Variants in MORC1 observed in about 807,000 individuals in gnomAD.
MORC1 encodes the protein MORC family CW-type zinc finger protein 1.
Under a neutral mutation model 134.9 loss-of-function variants are expected in MORC1, and 59 were observed. The observed-to-expected ratio is 0.44, with a 90% CI of 0.35 to 0.54. MORC1 has a LOEUF of 0.54. Ranked by LOEUF, MORC1 falls within the 20% of genes least tolerant of loss-of-function variation. The pLI, the probability that MORC1 is intolerant of heterozygous loss-of-function variation, is 0.00. For missense variants in MORC1, 947 were observed against 1,134.5 expected (o/e 0.83, Z 2.37); for synonymous variants, 395 against 391.7 (o/e 1.01, Z -0.10).
intron 21 of MORC1, among the ~76,000 whole-genome samples, 162 bp downstream of exon 21, chr3:109,000,395 A>C (rs1374586536): frequency 6.6e-6 from 1 of 152,218 alleles, no homozygotes; most frequent in Non-Finnish European, 1.5e-5. Context: ...TAGTTTATGT[A>C]GCCTTGAGCA....
intron 8 of MORC1, 27 bp from the exon 9 acceptor site, chr3:109,069,784 A>G (rs1950276678): frequency 6.3e-7 from 1 of 1,592,270 alleles, no homozygotes; most frequent in Admixed American, 1.7e-5. Context: ...AAAATGTCAC[A>G]ATACAGAGGA....
At chr3:108,991,484 T>C (rs1256155918) in intron 21 of MORC1, among the ~76,000 whole-genome samples, 1 of 152,158 alleles carries the variant, frequency 6.6e-6, no homozygotes, top group East Asian at 1.9e-4. Flanking sequence ...TTTACTCAGT[T>C]AAGGAAGCAT....
chr3:109,029,079 T>C (rs3804686), intron 16 of MORC1, among the ~76,000 whole-genome samples: 64,268 of 152,020 alleles, frequency 0.42, 14,302 homozygotes, highest in Middle Eastern at 0.55. Context: ...ATGAGACCCA[T>C]CACTTCTCTG....
At chr3:108,965,401 G>A (rs1304015053) in intron 26 of MORC1, among the ~76,000 whole-genome samples, 2 of 152,164 alleles carry the variant, frequency 1.3e-5, no homozygotes, top group African/African-American at 4.8e-5. Context: ...ATTGTCAAAT[G>A]ACACACACAT....
At chr3:109,016,148 T>G (rs989067242) in intron 17 of MORC1, among the ~76,000 whole-genome samples, 3 of 152,216 alleles carry the variant, frequency 2.0e-5, no homozygotes, top group African/African-American at 7.2e-5. Context: ...CCTCTTGTAG[T>G]GTTGTATCAC....
intron 2 of MORC1, among the ~76,000 whole-genome samples, chr3:109,111,795 C>T (rs1366474203): frequency 1.3e-5 from 2 of 152,154 alleles, no homozygotes; most frequent in African/African-American, 4.8e-5. Flanking sequence ...ACCCAAAACT[C>T]CCAGACAAAT....
At chr3:109,085,156 GTCTA>G (rs1313184619) in intron 8 of MORC1, among the ~76,000 whole-genome samples, 14 of 151,808 alleles carry the variant, frequency 9.2e-5, no homozygotes, top group African/African-American at 3.4e-4. Flanking sequence ...GTGTGTGTGT[GTCTA>G]TCTGTGTATG....
At chr3:108,985,008 T>C (rs1276092831) in intron 22 of MORC1, among the ~76,000 whole-genome samples, 1 of 152,098 alleles carries the variant, frequency 6.6e-6, no homozygotes, top group East Asian at 1.9e-4. Context: ...TCCAAGAGAG[T>C]GTAGCTTTTT....
intron 17 of MORC1, among the ~76,000 whole-genome samples, chr3:109,023,652 G>A (rs1949010219): frequency 6.6e-6 from 1 of 152,104 alleles, no homozygotes; most frequent in South Asian, 2.1e-4. Context: ...CACAATAGAA[G>A]GTAGAAGAGA....
chr3:109,099,686 G>C (rs1473775951), intron 5 of MORC1, among the ~76,000 whole-genome samples: 1 of 151,984 alleles, frequency 6.6e-6, no homozygotes, highest in Non-Finnish European at 1.5e-5. Flanking sequence ...GGCTGCAGGG[G>C]AAAGGGTCCA....
intron 5 of MORC1, among the ~76,000 whole-genome samples, chr3:109,099,774 A>ATACTAAAACATACTAAAT (rs1559952345): frequency 3.9e-5 from 6 of 152,214 alleles, no homozygotes; most frequent in African/African-American, 1.2e-4. Context: ...CTTTCAATGC[A>ATACTAAAACATACTAAAT]GCATACTAAA....
intron 6 of MORC1, among the ~76,000 whole-genome samples, chr3:109,098,577 T>C (rs538227134): frequency 1.3e-5 from 2 of 152,282 alleles, no homozygotes; most frequent in South Asian, 2.1e-4. Flanking sequence ...CGGCTGCAAG[T>C]TGTACTCTCT....
At chr3:109,009,018 T>G (rs1169091448) in intron 17 of MORC1, among the ~76,000 whole-genome samples, 7 of 152,148 alleles carry the variant, frequency 4.6e-5, no homozygotes, top group Admixed American at 4.6e-4. Context: ...TACATTCAGT[T>G]TGGTGTCTAA....
chr3:108,970,804 C>A (rs1005583117), intron 25 of MORC1, among the ~76,000 whole-genome samples: 4 of 152,216 alleles, frequency 2.6e-5, no homozygotes, highest in Admixed American at 2.6e-4. Flanking sequence ...GTTACTTAAG[C>A]ATAGCCAATA....
intron 14 of MORC1, among the ~76,000 whole-genome samples, chr3:109,041,058 T>A (rs1288612598): frequency 1.3e-5 from 2 of 151,842 alleles, no homozygotes; most frequent in African/African-American, 4.8e-5. Context: ...ACGCCTGTAA[T>A]CCCAGCACTT....
intron 20 of MORC1, among the ~76,000 whole-genome samples, chr3:109,003,391 G>GCACACACACACACACA (rs3054383): frequency 3.4e-5 from 5 of 146,650 alleles, no homozygotes; most frequent in Admixed American, 6.9e-5. Flanking sequence ...ATATGTGTAT[G>GCACACACACACACACA]CACACACACA....
intron 25 of MORC1, 150 bp downstream of exon 25, chr3:108,971,180 T>C: frequency 1.6e-6 from 1 of 640,552 alleles, no homozygotes; most frequent in Admixed American, 2.7e-5. Context: ...AATATAGCTT[T>C]AATTATGAAT....
Position 109,054,893 on chromosome 3 carries a change from A to T in MORC1, c.1176-11T>A, listed in dbSNP as rs1949920514. The T allele has an allele frequency of 6.3e-7, 1 of 1,584,910 alleles. No homozygotes were observed. Among genetic ancestry groups the T allele is most frequent in the African/African-American group, 1.4e-5 (1 of 72,936 alleles). ...ACGCCTGCGCCAAGTCTGAGAAAATATATGCATATTTAAATTTTGAAAATT... is the reference window on the plus strand; with the variant it reads ...ACGCCTGCGCCAAGTCTGAGAAAATTTATGCATATTTAAATTTTGAAAATT... On this transcript the variant is annotated splice_polypyrimidine_tract_variant and intron_variant, in intron 13 of 27. Transcript: ENST00000232603.
At chr3:109,063,122 CAAT>C (rs1407794969) in intron 10 of MORC1, 27 bp downstream of exon 10, 2 of 1,489,256 alleles carry the variant, frequency 1.3e-6, no homozygotes, top group Non-Finnish European at 1.9e-6. Flanking sequence ...GACTGAACAA[CAAT>C]GATGTAGGCT....
Sources: gnomAD v4.1 joint callset for allele counts (sites outside exome capture counted in the v4.1 genomes callset) on GRCh38, gnomAD v4.1.1 for gene constraint, MANE v1.5 for transcripts, NCBI Gene and HGNC (gene_info 2026-07-23, HGNC 2026-07-21) for gene names.